HOATZ: variants seen among roughly 807,000 people sequenced by gnomAD.
The protein encoded by HOATZ is cilia- and flagella-associated protein HOATZ.
In HOATZ, 26 loss-of-function variants were observed where a neutral mutation model predicts 24.9. The ratio of observed to expected loss-of-function variants is 1.04; its 90% confidence interval spans 0.76 to 1.45. The LOEUF is 1.45. Among genes scored for constraint, HOATZ ranks in the 40% most tolerant of loss-of-function variants. The probability of loss-of-function intolerance (pLI) is 0.00; values close to 1 mark genes in which losing one functional copy is unlikely to be tolerated. For missense variants in HOATZ, 226 were observed against 201.5 expected, an observed-to-expected ratio of 1.12 and a Z score of -0.74; for synonymous variants, 83 against 76.6, an observed-to-expected ratio of 1.08 and a Z score of -0.43.
chr11:111,529,737 G>T (rs1867376315), intron 3 of HOATZ, among the ~76,000 whole-genome samples: 2 of 152,048 alleles, frequency 1.3e-5, no homozygotes, highest in African/African-American at 4.8e-5. Flanking sequence ...GTTTGTATAT[G>T]GGAACCAGGT....
At chr11:111,532,964 A>G (rs1271921889) in intron 3 of HOATZ, among the ~76,000 whole-genome samples, 1 of 152,166 alleles carries the variant, frequency 6.6e-6, no homozygotes, top group Non-Finnish European at 1.5e-5. Flanking sequence ...ATATAGATGA[A>G]TTCTGTGAAA....
chr11:111,515,819 C>T (rs1867188813), intron 2 of HOATZ, among the ~76,000 whole-genome samples: 2 of 152,218 alleles, frequency 1.3e-5, no homozygotes, highest in Admixed American at 1.3e-4. Context: ...CGAGCTTACT[C>T]ATCATCTAAA....
At chr11:111,534,719 A>G (rs1393878938) in intron 5 of HOATZ, 3 of 451,490 alleles carry the variant, frequency 6.6e-6, no homozygotes, top group African/African-American at 6.0e-5. Context: ...CTCTGTGCAC[A>G]TTCTCTGTCC....
At chr11:111,535,662 C>CTTTTT (rs1441000415) in intron 5 of HOATZ, 1 of 150,800 alleles carries the variant, frequency 6.6e-6, no homozygotes, top group African/African-American at 2.5e-5. Context: ...TCTAGCTACT[C>CTTTTT]TTCTTTTTTT....
chr11:111,516,147 T>C, intron 3 of HOATZ, 37 bp downstream of exon 3: 1 of 1,250,366 alleles, frequency 8.0e-7, no homozygotes, highest in Non-Finnish European at 1.1e-6. Context: ...TGATCATCAT[T>C]AAATTTCTAA....
intron 3 of HOATZ, among the ~76,000 whole-genome samples, chr11:111,531,605 AAGTTGAC>A (rs1867394085): frequency 6.6e-6 from 1 of 152,258 alleles, no homozygotes; most frequent in Non-Finnish European, 1.5e-5. Context: ...CAATCTATGC[AAGTTGAC>A]AGATATTGTG....
chr11:111,518,973 G>T (rs1308428086), intron 3 of HOATZ: 2 of 455,878 alleles, frequency 4.4e-6, no homozygotes, highest in South Asian at 1.6e-5. Flanking sequence ...GATGTGTATT[G>T]TAGGTAATTG....
chr11:111,524,269 A>G (rs1289871486), intron 3 of HOATZ, among the ~76,000 whole-genome samples: 2 of 152,200 alleles, frequency 1.3e-5, no homozygotes, highest in Non-Finnish European at 2.9e-5. Context: ...AGCAACAGAA[A>G]AGAGTGGAAG....
Position 111,516,025 on chromosome 11 carries a change from C to G in HOATZ, c.269-15C>G. On this transcript the variant is annotated splice_polypyrimidine_tract_variant and intron_variant, in intron 2 of 5. Transcript: ENST00000375618. ...TAAAATTATTTCAGATTGAATTTGA[C>G]TTTATTCCCTCTAGAAAATAGAGAC... 1 of 1,501,292 alleles carries G rather than the reference C, an allele frequency of 6.7e-7. No homozygotes were observed. The highest frequency in any genetic ancestry group is 9.1e-7 in the Non-Finnish European group (1 of 1,098,284). The allele number at this position is 1,501,292 out of a possible 1,614,324, so 93.0% of individuals were successfully genotyped here.
chr11:111,528,174 C>T (rs1052471903), intron 3 of HOATZ, among the ~76,000 whole-genome samples: 7 of 119,718 alleles, frequency 5.8e-5, no homozygotes, highest in African/African-American at 8.7e-5. Context: ...AAAAAAAAAT[C>T]GTTTTTTAAT....
At chr11:111,531,306 T>G (rs75274317) in intron 3 of HOATZ, among the ~76,000 whole-genome samples, 2 of 606 alleles carry the variant, frequency 3.3e-3, no homozygotes, top group Non-Finnish European at 0.011. Flanking sequence ...ACTCAATCAA[T>G]TCAATTCAAT....
intron 2 of HOATZ, 85 bp from the exon 3 acceptor site, chr11:111,515,955 T>C: frequency 1.1e-6 from 1 of 914,818 alleles, no homozygotes; most frequent in Non-Finnish European, 1.7e-6. Flanking sequence ...GTATTCCCTT[T>C]CAACCCATGT....
chr11:111,533,928 AC>A, intron 4 of HOATZ, 123 bp downstream of exon 4: 1 of 628,768 alleles, frequency 1.6e-6, no homozygotes, highest in Non-Finnish European at 2.6e-6. Context: ...CCATTGATAT[AC>A]CAGAGTGGGG....
intron 1 of HOATZ, 173 bp downstream of exon 1, chr11:111,515,183 A>G: frequency 1.6e-6 from 1 of 613,996 alleles, no homozygotes; most frequent in Non-Finnish European, 2.9e-6. Flanking sequence ...CCACCCGAAA[A>G]GGATCAGTGG....
chr11:111,527,234 A>G (rs1397749320), intron 3 of HOATZ, among the ~76,000 whole-genome samples: 1 of 152,214 alleles, frequency 6.6e-6, no homozygotes, highest in Non-Finnish European at 1.5e-5. Flanking sequence ...AAATATATGT[A>G]ACAGAACCAA....
chr11:111,516,554 A>G (rs942514165), intron 3 of HOATZ, among the ~76,000 whole-genome samples: 1 of 152,098 alleles, frequency 6.6e-6, no homozygotes, highest in East Asian at 1.9e-4. Flanking sequence ...TACAAAAAAA[A>G]AAAAAATTTT....
chr11:111,536,137 CT>C (rs1258596513), intron 5 of HOATZ: 1 of 152,244 alleles, frequency 6.6e-6, no homozygotes, highest in East Asian at 1.9e-4. Flanking sequence ...CAGCATACTG[CT>C]TACATGTTGG....
chr11:111,518,152 T>G (rs1004561617), intron 3 of HOATZ, among the ~76,000 whole-genome samples: 1 of 152,232 alleles, frequency 6.6e-6, no homozygotes, highest in African/African-American at 2.4e-5. Flanking sequence ...GCCAAGTTGT[T>G]CATTAAGCCT....
chr11:111,530,591 C>G (rs1196324240), intron 3 of HOATZ, among the ~76,000 whole-genome samples: 2 of 152,060 alleles, frequency 1.3e-5, no homozygotes, highest in African/African-American at 4.8e-5. Flanking sequence ...ATATAAGTCA[C>G]TAGTCAATGG....
Sources: allele counts gnomAD v4.1 joint callset (sites outside exome capture counted in the v4.1 genomes callset), GRCh38; gene constraint gnomAD v4.1.1; transcripts MANE v1.5; gene names NCBI Gene and HGNC (gene_info 2026-07-23, HGNC 2026-07-21).